Variants in PROCA1 observed in about 807,000 individuals in gnomAD.
PROCA1 encodes protein PROCA1.
A neutral mutation model predicts 23.2 loss-of-function variants in PROCA1; 22 were observed. That is an observed-to-expected ratio of 0.95 (90% CI 0.68 to 1.35). The LOEUF (loss-of-function observed/expected upper bound fraction) is 1.35. Among genes scored for constraint, PROCA1 ranks in the 40% most tolerant of loss-of-function variants. The pLI, the probability that PROCA1 is intolerant of heterozygous loss-of-function variation, is 0.00. For missense variants in PROCA1, 469 were observed against 459.8 expected (o/e 1.02, Z -0.18); for synonymous variants, 182 against 179.2 (o/e 1.02, Z -0.12).
intron 1 of PROCA1, chr17:28,707,092 G>A (rs2032549238): frequency 3.3e-6 from 1 of 307,272 alleles, no homozygotes; most frequent in Non-Finnish European, 6.6e-6. Flanking sequence ...CTTCTTGGAA[G>A]GAGCATCACT....
intron 3 of PROCA1, 72 bp downstream of exon 3, chr17:28,704,636 G>T (rs772571052): frequency 1.3e-6 from 2 of 1,596,064 alleles, no homozygotes; most frequent in Non-Finnish European, 1.7e-6. Context: ...CAAACCAAAG[G>T]TTGAAGGGGA....
chr17:28,711,479 C>T (rs2032781724), intron 1 of PROCA1, 91 bp downstream of exon 1: 8 of 1,086,526 alleles, frequency 7.4e-6, no homozygotes, highest in East Asian at 2.7e-5. Flanking sequence ...TGCCCGTCTC[C>T]CTCGTCGGTT....
At chr17:28,704,266 G>A in intron 4 of PROCA1, 41 bp downstream of exon 4, 3 of 1,590,456 alleles carry the variant, frequency 1.9e-6, no homozygotes, top group Non-Finnish European at 2.6e-6. Flanking sequence ...GCAGTGCCCT[G>A]TAGAGGCCCC....
At chr17:28,704,668 C>A in intron 3 of PROCA1, 40 bp downstream of exon 3, 1 of 1,610,260 alleles carries the variant, frequency 6.2e-7, no homozygotes, top group Non-Finnish European at 8.5e-7. Flanking sequence ...AAGTTCGGAC[C>A]TGGCTCTGCC....
intron 2 of PROCA1, 119 bp from the exon 3 acceptor site, chr17:28,704,962 G>GT: frequency 1.0e-6 from 1 of 956,036 alleles, no homozygotes; most frequent in Non-Finnish European, 1.6e-6. Flanking sequence ...CCCAAGAAGT[G>GT]TTTCTGCTTC....
intron 1 of PROCA1, chr17:28,711,050 G>A: frequency 8.6e-7 from 1 of 1,164,966 alleles, no homozygotes; most frequent in South Asian, 1.6e-5. Flanking sequence ...AGAGGAGGAA[G>A]CAAGGGAGGG....
At chr17:28,710,693 G>C (rs1326296713) in intron 1 of PROCA1, among the ~76,000 whole-genome samples, 1 of 152,120 alleles carries the variant, frequency 6.6e-6, no homozygotes, top group East Asian at 1.9e-4. Flanking sequence ...CTGCTCTTTA[G>C]TTCCAGAGGA....
At chr17:28,705,853 T>G (rs911242590) in intron 2 of PROCA1, 4 of 152,390 alleles carry the variant, frequency 2.6e-5, no homozygotes, top group Admixed American at 2.6e-4. Context: ...CCAGCACTCC[T>G]AGGGGAGGGA....
intron 1 of PROCA1, 146 bp from the exon 2 acceptor site, chr17:28,706,909 G>C (rs1191248357): frequency 9.4e-6 from 1 of 106,384 alleles, no homozygotes; most frequent in African/African-American, 1.4e-4. Context: ...GCTCTTAAGG[G>C]GTTGCGGGGG....
chr17:28,707,148 G>A, intron 1 of PROCA1: 1 of 244,266 alleles, frequency 4.1e-6, no homozygotes, highest in South Asian at 5.0e-5. Flanking sequence ...GGCAAGGAGG[G>A]ACAGCTCCAG....
At chr17:28,704,870 A>G in intron 2 of PROCA1, 27 bp from the exon 3 acceptor site, 1 of 1,608,778 alleles carries the variant, frequency 6.2e-7, no homozygotes, top group Non-Finnish European at 8.5e-7. Context: ...CTGGGTCATC[A>G]GTAGCAGCCG....
At chr17:28,711,069 C>T (rs2151691922) in intron 1 of PROCA1, 3 of 1,182,678 alleles carry the variant, frequency 2.5e-6, no homozygotes. Flanking sequence ...GGGCAGTGCG[C>T]CCGCGTCTCC....
At chr17:28,706,865 A>G in intron 1 of PROCA1, 102 bp from the exon 2 acceptor site, 1 of 1,089,798 alleles carries the variant, frequency 9.2e-7, no homozygotes. Context: ...CCCTCGCTGC[A>G]TCCTGGAGAT....
At chr17:28,711,400 CGG>C (rs2032775333) in intron 1 of PROCA1, 168 bp downstream of exon 1, 2 of 490,676 alleles carry the variant, frequency 4.1e-6, no homozygotes, top group Non-Finnish European at 6.4e-6. Flanking sequence ...AGCCCGCCCC[CGG>C]CCCTAGCTCC....
chr17:28,706,764 C>G lies in PROCA1; in HGVS notation c.92-1G>C. 7.7e-7 allele frequency: 1 copy of G among 1,303,624 alleles called. No individual in the cohort carries two copies. Among genetic ancestry groups the G allele is most frequent in the Non-Finnish European group, 1.0e-6 (1 of 988,882 alleles). 80.8% of individuals were successfully genotyped at this position (1,303,624 alleles called of 1,614,324 possible). ...TCCCAGCTGGGTAACCTGTTTACAT[C>G]TGAGAGAGCATAGAGTGGCAGTGGT... On this transcript the variant is annotated splice_acceptor_variant, in intron 1 of 4. Transcript: ENST00000682792. LOFTEE classifies it high-confidence loss of function.
Position 28,711,680 on chromosome 17 carries a change from CGTCTCTACAG to C in PROCA1, c.-30_-21del, listed in dbSNP as rs2032794598. 3 of 1,608,632 alleles carry C rather than the reference CGTCTCTACAG, an allele frequency of 1.9e-6. No homozygotes were observed. The Admixed American group carries it at 5.0e-5, about 27-fold the overall frequency. The stretch of plus-strand genomic sequence containing the variant: ...CCACATCGCTCTCCGCCCAGGTCTT[CGTCTCTACAG>C]GACTCTTGCGTGAAGTCCAACCCTG... On this transcript the variant is annotated 5_prime_UTR_variant, in exon 1 of 5. Coordinates refer to ENST00000682792, the MANE Select transcript of PROCA1 (RefSeq NM_001366301.1).
intron 1 of PROCA1, 99 bp downstream of exon 1, chr17:28,711,471 C>T (rs888906020): frequency 4.4e-5 from 45 of 1,012,048 alleles, no homozygotes; most frequent in Admixed American, 3.6e-4. Flanking sequence ...CGTTGGTTTG[C>T]CCGTCTCCCT....
At chr17:28,710,942 T>G (rs1597742743) in intron 1 of PROCA1, 1 of 1,177,326 alleles carries the variant, frequency 8.5e-7, no homozygotes, top group East Asian at 7.1e-5. Context: ...CTCGAGGCAC[T>G]GGGGGTGGGC....
chr17:28,707,046 C>T (rs1034550947), intron 1 of PROCA1: 2 of 328,378 alleles, frequency 6.1e-6, no homozygotes, highest in Non-Finnish European at 6.1e-6. Context: ...GGGCCACCTA[C>T]CAGGACTGGA....
Sources: allele counts gnomAD v4.1 joint callset (sites outside exome capture counted in the v4.1 genomes callset), GRCh38; gene constraint gnomAD v4.1.1; transcripts MANE v1.5; gene names NCBI Gene and HGNC (gene_info 2026-07-23, HGNC 2026-07-21).